Variants in SAMD3 observed in about 807,000 individuals in gnomAD.
SAMD3 encodes sterile alpha motif domain-containing protein 3.
SAMD3 carries 63 observed loss-of-function variants against 58.5 expected under a neutral mutation model. The observed-to-expected ratio is 1.08, with a 90% CI of 0.88 to 1.33. The LOEUF is 1.33. Among genes scored for constraint, SAMD3 ranks in the 40% most tolerant of loss-of-function variants. The probability of loss-of-function intolerance (pLI) is 0.00; values close to 1 mark genes in which losing one functional copy is unlikely to be tolerated. For synonymous variants in SAMD3, 220 were observed against 210.3 expected, an observed-to-expected ratio of 1.05 and a Z score of -0.40; for missense variants, 604 against 608.4, an observed-to-expected ratio of 0.99 and a Z score of 0.08.
chr6:130,160,569 GA>G (rs914304692), intron 8 of SAMD3: 9 of 152,212 alleles, frequency 5.9e-5, no homozygotes, highest in African/African-American at 2.2e-4. Flanking sequence ...CATGTTACGG[GA>G]ATGTTTAGCA....
At chr6:130,326,623 G>T (rs933376280) in intron 1 of SAMD3, among the ~76,000 whole-genome samples, 2 of 152,182 alleles carry the variant, frequency 1.3e-5, no homozygotes, top group Admixed American at 6.5e-5. Context: ...ATGGTGCACA[G>T]AAGGCAGTCC....
chr6:130,182,064 C>CAAA (rs61173557), intron 7 of SAMD3, among the ~76,000 whole-genome samples: 8 of 54,944 alleles, frequency 1.5e-4, no homozygotes, highest in Admixed American at 3.5e-4. Flanking sequence ...GACTCTGTCT[C>CAAA]AAAAAAAAAA....
chr6:130,327,744 A>T (rs1162284391), intron 1 of SAMD3, among the ~76,000 whole-genome samples: 1 of 152,204 alleles, frequency 6.6e-6, no homozygotes, highest in East Asian at 1.9e-4. Context: ...TGCATCCAGC[A>T]TTATGCTAAA....
At chr6:130,276,721 A>G (rs548557947) in intron 2 of SAMD3, among the ~76,000 whole-genome samples, 1 of 152,226 alleles carries the variant, frequency 6.6e-6, no homozygotes, top group Non-Finnish European at 1.5e-5. Flanking sequence ...ATTGCAGTAG[A>G]GAAAGAGTTT....
chr6:130,222,439 G>A (rs1582969699), intron 1 of SAMD3, among the ~76,000 whole-genome samples: 3 of 152,250 alleles, frequency 2.0e-5, no homozygotes, highest in South Asian at 4.1e-4. Flanking sequence ...TCATGGATAT[G>A]GTTAACTGCA....
At chr6:130,168,190 T>C (rs961499405) in intron 8 of SAMD3, among the ~76,000 whole-genome samples, 1 of 152,110 alleles carries the variant, frequency 6.6e-6, no homozygotes, top group African/African-American at 2.4e-5. Context: ...TCCTAGCACT[T>C]TGGGAGGCCA....
intron 2 of SAMD3, among the ~76,000 whole-genome samples, chr6:130,309,481 G>T (rs1166648781): frequency 6.6e-6 from 1 of 152,106 alleles, no homozygotes; most frequent in Non-Finnish European, 1.5e-5. Flanking sequence ...TATTGTTGTT[G>T]CTTTTAAGTC....
chr6:130,145,063 C>G (rs879693874), intron 11 of SAMD3, among the ~76,000 whole-genome samples: 8 of 152,076 alleles, frequency 5.3e-5, no homozygotes, highest in Non-Finnish European at 1.2e-4. Context: ...AGTTCCAGAC[C>G]AGCCTGACCA....
chr6:130,362,693 T>C (rs1482074983), intron 1 of SAMD3, among the ~76,000 whole-genome samples: 1 of 152,206 alleles, frequency 6.6e-6, no homozygotes, highest in Non-Finnish European at 1.5e-5. Flanking sequence ...TTATCTAATA[T>C]AGATGATTCT....
upstream of SAMD3, among the ~76,000 whole-genome samples, chr6:130,223,913 C>T (rs368647425): frequency 3.9e-5 from 6 of 152,142 alleles, no homozygotes; most frequent in South Asian, 2.1e-4. Flanking sequence ...TCTGCCTTAT[C>T]GCAAGGACAG....
chr6:130,237,441 T>C (rs1773201177), intron 2 of SAMD3, among the ~76,000 whole-genome samples: 2 of 152,174 alleles, frequency 1.3e-5, no homozygotes, highest in South Asian at 4.1e-4. Context: ...TGATCTAAAT[T>C]TCTGAGCTAT....
At chr6:130,262,443 G>GA (rs532773558) in intron 2 of SAMD3, among the ~76,000 whole-genome samples, 2,928 of 140,220 alleles carry the variant, frequency 0.021, 86 homozygotes, top group African/African-American at 0.067. Context: ...TATTCTGTTA[G>GA]AAAAAAAAAA....
At chr6:130,183,861 G>A (rs750996623) in intron 7 of SAMD3, among the ~76,000 whole-genome samples, 2 of 151,958 alleles carry the variant, frequency 1.3e-5, no homozygotes, top group South Asian at 2.1e-4. Flanking sequence ...GAGAGAGAGC[G>A]CAAAGTCAAG....
At chr6:130,250,631 G>T (rs1398950943) in intron 2 of SAMD3, among the ~76,000 whole-genome samples, 1 of 152,020 alleles carries the variant, frequency 6.6e-6, no homozygotes, top group Non-Finnish European at 1.5e-5. Context: ...CCACTAATCT[G>T]CCCTTTGTCT....
intron 5 of SAMD3, among the ~76,000 whole-genome samples, chr6:130,185,585 C>T (rs966979201): frequency 6.6e-5 from 10 of 151,828 alleles, no homozygotes; most frequent in African/African-American, 1.5e-4. Context: ...CCTTGGCCTC[C>T]CAAAGTGCTG....
At chr6:130,178,722 A>G (rs1388358052) in intron 7 of SAMD3, among the ~76,000 whole-genome samples, 4 of 152,240 alleles carry the variant, frequency 2.6e-5, no homozygotes. Context: ...GAACAATAAG[A>G]TCTGTCCTAT....
chr6:130,360,744 G>A (rs747412349), intron 1 of SAMD3, among the ~76,000 whole-genome samples: 23 of 152,258 alleles, frequency 1.5e-4, no homozygotes, highest in African/African-American at 2.9e-4. Context: ...GCCTGGGAGC[G>A]CTATGGGAGA....
intron 2 of SAMD3, among the ~76,000 whole-genome samples, chr6:130,238,223 T>C (rs1357646156): frequency 6.6e-6 from 1 of 152,170 alleles, no homozygotes; most frequent in African/African-American, 2.4e-5. Context: ...AAAAACCCAA[T>C]AGTCTTATGA....
At chr6:130,236,391 T>G (rs1220570379) in intron 2 of SAMD3, among the ~76,000 whole-genome samples, 1 of 151,612 alleles carries the variant, frequency 6.6e-6, no homozygotes, top group South Asian at 2.1e-4. Flanking sequence ...TGACTTTTTT[T>G]TTTTTTTTCC....
Sources: allele counts gnomAD v4.1 joint callset (sites outside exome capture counted in the v4.1 genomes callset), GRCh38; gene constraint gnomAD v4.1.1; transcripts MANE v1.5; gene names NCBI Gene and HGNC (gene_info 2026-07-23, HGNC 2026-07-21).